Variants in FOXP2 observed in about 807,000 individuals in gnomAD.
The protein encoded by FOXP2 is forkhead box protein P2.
In FOXP2, 12 loss-of-function variants were observed where a neutral mutation model predicts 115.8. The ratio of observed to expected loss-of-function variants is 0.10; its 90% confidence interval spans 0.07 to 0.17. FOXP2 has a LOEUF of 0.17. Ranked by LOEUF, FOXP2 falls within the 10% of genes least tolerant of loss-of-function variation. The pLI, the probability that FOXP2 is intolerant of heterozygous loss-of-function variation, is 1.00. For synonymous variants in FOXP2, 328 were observed against 297.7 expected, an observed-to-expected ratio of 1.10 and a Z score of -1.05; for missense variants, 629 against 843.5, an observed-to-expected ratio of 0.75 and a Z score of 3.15.
At chr7:114,393,188 C>T (rs981875987) in intron 2 of FOXP2, among the ~76,000 whole-genome samples, 4 of 152,020 alleles carry the variant, frequency 2.6e-5, no homozygotes, top group Non-Finnish European at 5.9e-5. Context: ...GCTCCCTAAG[C>T]CAAAGTAGTT....
intron 1 of FOXP2, among the ~76,000 whole-genome samples, chr7:114,183,009 A>T (rs945110951): frequency 2.0e-5 from 3 of 152,140 alleles, no homozygotes; most frequent in African/African-American, 7.2e-5. Context: ...TACAGTTCAA[A>T]GAGCACATTC....
At chr7:114,631,789 A>C (rs1366770565) in intron 6 of FOXP2, 84 bp downstream of exon 6, 1 of 1,468,548 alleles carries the variant, frequency 6.8e-7, no homozygotes, top group Admixed American at 1.7e-5. Flanking sequence ...TACCTTGAGA[A>C]ATTTTGTTTT....
chr7:114,163,928 A>G (rs991230858), intron 1 of FOXP2, among the ~76,000 whole-genome samples: 3 of 152,212 alleles, frequency 2.0e-5, no homozygotes, highest in Non-Finnish European at 4.4e-5. Context: ...GATCTCAATG[A>G]TACATATTGT....
chr7:114,664,692 G>A (rs894882922), intron 16 of FOXP2: 17 of 488,000 alleles, frequency 3.5e-5, no homozygotes, highest in African/African-American at 7.8e-5. Context: ...TGTTCTCTTG[G>A]GCATAAAGCA....
chr7:114,434,697 AAAACAGCTTTTC>A (rs1488302139), intron 2 of FOXP2, among the ~76,000 whole-genome samples: 2 of 152,082 alleles, frequency 1.3e-5, no homozygotes. Flanking sequence ...TAGGAGGTAT[AAAACAGCTTTTC>A]AGTAAAAAGC....
intron 2 of FOXP2, among the ~76,000 whole-genome samples, chr7:114,456,463 T>G (rs527282027): frequency 1.3e-5 from 2 of 152,208 alleles, no homozygotes; most frequent in Admixed American, 1.3e-4. Flanking sequence ...TCAACTGTAG[T>G]TTTCTTAGTT....
At chr7:114,385,901 C>T (rs936622009) in intron 2 of FOXP2, among the ~76,000 whole-genome samples, 1 of 152,080 alleles carries the variant, frequency 6.6e-6, no homozygotes, top group African/African-American at 2.4e-5. Context: ...CTTGGCCTCA[C>T]GGATTCCAAG....
At chr7:114,465,697 C>T (rs1795770270) in intron 2 of FOXP2, among the ~76,000 whole-genome samples, 2 of 152,174 alleles carry the variant, frequency 1.3e-5, no homozygotes, top group African/African-American at 4.8e-5. Flanking sequence ...ACAGCCTATC[C>T]AATCTTAGAT....
chr7:114,664,854 G>A (rs943429215), intron 16 of FOXP2: 10 of 193,046 alleles, frequency 5.2e-5, no homozygotes, highest in East Asian at 1.5e-4. Context: ...GATATTGCCC[G>A]TTTTTATAAA....
chr7:114,658,274 T>C lies in FOXP2; in HGVS notation c.1468+7T>C, dbSNP rs573523314. The C allele has an allele frequency of 6.2e-7, 1 of 1,613,518 alleles. No individual in the cohort carries two copies. Among genetic ancestry groups the C allele is most frequent in the Admixed American group, 1.7e-5 (1 of 59,956 alleles). On this transcript the variant is annotated splice_region_variant and intron_variant, in intron 11 of 16. Transcript: ENST00000350908. The stretch of plus-strand genomic sequence containing the variant: ...AACATTCCCATGTCATCAGGTAGGA[T>C]ATGAATGCTCAGTAGAGCACTTTTA...
At chr7:114,573,813 C>A (rs1048616882) in intron 3 of FOXP2, among the ~76,000 whole-genome samples, 3 of 151,666 alleles carry the variant, frequency 2.0e-5, no homozygotes, top group African/African-American at 7.3e-5. Flanking sequence ...GGAGAGAAAA[C>A]AACTTACATT....
intron 2 of FOXP2, among the ~76,000 whole-genome samples, chr7:114,449,491 T>C (rs1794977534): frequency 6.6e-6 from 1 of 152,114 alleles, no homozygotes; most frequent in Admixed American, 6.6e-5. Flanking sequence ...CGTTTTTTTC[T>C]GCAAAGTAGA....
intron 1 of FOXP2, among the ~76,000 whole-genome samples, chr7:114,169,576 G>C (rs1273542092): frequency 6.6e-6 from 1 of 152,140 alleles, no homozygotes; most frequent in Non-Finnish European, 1.5e-5. Context: ...AAGGGACTTG[G>C]CTTGTCTCAG....
At chr7:114,446,003 T>A (rs571341131) in intron 2 of FOXP2, among the ~76,000 whole-genome samples, 1 of 152,034 alleles carries the variant, frequency 6.6e-6, no homozygotes, top group Non-Finnish European at 1.5e-5. Context: ...CTGACTCATA[T>A]AATATACTGA....
chr7:114,498,796 T>G (rs963468794), intron 2 of FOXP2: 112 of 708,968 alleles, frequency 1.6e-4, no homozygotes, highest in Non-Finnish European at 2.1e-4. Context: ...ATAATTTTTT[T>G]GGGGGTATAT....
chr7:114,375,994 G>A (rs745535535), intron 2 of FOXP2, among the ~76,000 whole-genome samples: 52 of 152,168 alleles, frequency 3.4e-4, no homozygotes, highest in Non-Finnish European at 2.9e-5. Context: ...GACATAATCT[G>A]TCAAAGTGGA....
intron 1 of FOXP2, among the ~76,000 whole-genome samples, chr7:114,163,685 A>G (rs1276165126): frequency 2.6e-5 from 4 of 152,206 alleles, no homozygotes; most frequent in Admixed American, 2.0e-4. Flanking sequence ...ATATAGAAAC[A>G]TAGAATTTTG....
intron 1 of FOXP2, among the ~76,000 whole-genome samples, chr7:114,271,490 T>A (rs1057241266): frequency 7.5e-6 from 1 of 134,000 alleles, no homozygotes; most frequent in Non-Finnish European, 1.6e-5. Flanking sequence ...ATATATATAT[T>A]TATATAAATA....
chr7:114,531,672 A>AT (rs1799149508), intron 2 of FOXP2, among the ~76,000 whole-genome samples: 1 of 151,856 alleles, frequency 6.6e-6, no homozygotes. Context: ...GAAAGAAGTT[A>AT]TTTTTTCTAA....
Sources: gnomAD v4.1 joint callset for allele counts (sites outside exome capture counted in the v4.1 genomes callset) on GRCh38, gnomAD v4.1.1 for gene constraint, MANE v1.5 for transcripts, NCBI Gene and HGNC (gene_info 2026-07-23, HGNC 2026-07-21) for gene names.